Variants in RNLS observed in about 807,000 individuals in gnomAD.
RNLS encodes the protein renalase.
Under a neutral mutation model 39.8 loss-of-function variants are expected in RNLS, and 39 were observed. The observed-to-expected ratio is 0.98, with a 90% CI of 0.76 to 1.28. The LOEUF (loss-of-function observed/expected upper bound fraction) is 1.28, where lower values mean the gene tolerates loss of function less well. Among genes scored for constraint, RNLS ranks in the 50% most tolerant of loss-of-function variants. The pLI is 0.00. For synonymous variants in RNLS, 147 were observed against 150.7 expected (o/e 0.98, Z 0.18); for missense variants, 410 against 413.3 (o/e 0.99, Z 0.07).
chr10:88,449,812 G>T (rs1156607214), intron 4 of RNLS, among the ~76,000 whole-genome samples: 1 of 152,012 alleles, frequency 6.6e-6, no homozygotes, highest in Non-Finnish European at 1.5e-5. Flanking sequence ...AAAATATATT[G>T]TTCCTTTTAT....
chr10:88,364,593 T>G (rs1490139973), intron 4 of RNLS, among the ~76,000 whole-genome samples: 1 of 152,180 alleles, frequency 6.6e-6, no homozygotes, highest in African/African-American at 2.4e-5. Context: ...TCTGCTCATC[T>G]GCAAGTCTGA....
chr10:88,359,742 T>G (rs992093767), intron 5 of RNLS, among the ~76,000 whole-genome samples: 4 of 152,240 alleles, frequency 2.6e-5, no homozygotes, highest in African/African-American at 9.6e-5. Context: ...GATAATTTAT[T>G]AATATTTTAT....
In RNLS at chr10:88,327,945, G is replaced by A. The variant is rs1026139256; in HGVS notation, c.701-13304C>T. On this transcript the variant is annotated intron_variant, in intron 5 of 6. Transcript: ENST00000331772. ...TTAATTTGAGATAGAGTCTTGCTCT[G>A]TCACCCAGGCTAGAGTGCAGTGGCA... Among the ~76,000 whole-genome samples the A allele has an allele frequency of 4.6e-5, 7 of 152,196 alleles. No individual in the cohort carries two copies. The East Asian group carries it at 1.4e-3, about 29-fold the overall frequency.
At chr10:88,344,818 T>A (rs1402720327) in intron 5 of RNLS, among the ~76,000 whole-genome samples, 1 of 152,150 alleles carries the variant, frequency 6.6e-6, no homozygotes, top group Non-Finnish European at 1.5e-5. Flanking sequence ...TGGAATATTT[T>A]ATACTAAAGA....
At chr10:88,322,985 C>A (rs986913530) in intron 5 of RNLS, among the ~76,000 whole-genome samples, 2 of 152,104 alleles carry the variant, frequency 1.3e-5, no homozygotes, top group Admixed American at 6.6e-5. Flanking sequence ...TTCCTATACA[C>A]CAGCAACACT....
intron 4 of RNLS, among the ~76,000 whole-genome samples, chr10:88,495,339 C>T (rs937651067): frequency 6.6e-6 from 1 of 152,104 alleles, no homozygotes; most frequent in Admixed American, 6.6e-5. Flanking sequence ...TTTGTTATCT[C>T]CATCTTTAGC....
chr10:88,393,088 C>T (rs1354214626), intron 4 of RNLS, among the ~76,000 whole-genome samples: 10 of 152,160 alleles, frequency 6.6e-5, no homozygotes, highest in Non-Finnish European at 1.2e-4. Context: ...CAATATCATA[C>T]TGAATGGGCA....
chr10:88,444,571 GA>G (rs886471140), intron 4 of RNLS, among the ~76,000 whole-genome samples: 2 of 151,822 alleles, frequency 1.3e-5, no homozygotes, highest in African/African-American at 4.8e-5. Flanking sequence ...TAAAAACCTT[GA>G]AAAAAAATTA....
intron 3 of RNLS, among the ~76,000 whole-genome samples, chr10:88,580,586 G>T (rs1022931986): frequency 2.0e-5 from 3 of 152,020 alleles, no homozygotes; most frequent in African/African-American, 4.8e-5. Flanking sequence ...AATTATCCAA[G>T]AAAAATTCTA....
At chr10:88,325,952 C>T (rs1165787266) in intron 5 of RNLS, among the ~76,000 whole-genome samples, 2 of 152,184 alleles carry the variant, frequency 1.3e-5, no homozygotes, top group Non-Finnish European at 2.9e-5. Flanking sequence ...TCACTCTTTT[C>T]TCTGTCCTGC....
chr10:88,355,879 C>T (rs1216474983), intron 5 of RNLS, among the ~76,000 whole-genome samples: 3 of 152,200 alleles, frequency 2.0e-5, no homozygotes, highest in Admixed American at 6.5e-5. Flanking sequence ...GCTTCCAGAT[C>T]GCTTTGTTTA....
chr10:88,575,148 A>G (rs1850093882), intron 3 of RNLS, among the ~76,000 whole-genome samples: 1 of 34,748 alleles, frequency 2.9e-5, no homozygotes, highest in African/African-American at 2.1e-4. Context: ...ATATATATAT[A>G]TATATATATA....
chr10:88,517,079 G>A (rs1390529236), intron 4 of RNLS, among the ~76,000 whole-genome samples: 2 of 151,916 alleles, frequency 1.3e-5, no homozygotes, highest in Non-Finnish European at 2.9e-5. Flanking sequence ...TTCCCTGGCA[G>A]ACTATAAAAT....
chr10:88,195,474 G>A, the RNLS span, among the ~76,000 whole-genome samples: 1 of 152,104 alleles, frequency 6.6e-6, no homozygotes, highest in African/African-American at 2.4e-5. Context: ...GGCACACCAT[G>A]GGAGATCTGT....
chr10:88,235,157 A>G, the RNLS span, among the ~76,000 whole-genome samples: 1 of 151,238 alleles, frequency 6.6e-6, no homozygotes, highest in Non-Finnish European at 1.5e-5. Flanking sequence ...AGTCCCAGCT[A>G]CTAGGGAGGC....
At chr10:88,227,603 AT>A in the RNLS span, among the ~76,000 whole-genome samples, 1 of 152,228 alleles carries the variant, frequency 6.6e-6, no homozygotes, top group Non-Finnish European at 1.5e-5. Flanking sequence ...GGAATAGCTA[AT>A]TTAGTTAAAG....
At chr10:88,188,206 G>A in the RNLS span, among the ~76,000 whole-genome samples, 1 of 152,098 alleles carries the variant, frequency 6.6e-6, no homozygotes, top group Non-Finnish European at 1.5e-5. Context: ...ACAAGTGTGG[G>A]CCACCACACC....
intron 4 of RNLS, among the ~76,000 whole-genome samples, chr10:88,493,575 G>A (rs1285884075): frequency 6.6e-6 from 1 of 151,948 alleles, no homozygotes; most frequent in Non-Finnish European, 1.5e-5. Flanking sequence ...TTTAAAAAAT[G>A]AGTGATCTAT....
intron 4 of RNLS, among the ~76,000 whole-genome samples, chr10:88,366,764 T>G (rs1307739958): frequency 6.7e-6 from 1 of 149,532 alleles, no homozygotes; most frequent in Non-Finnish European, 1.5e-5. Context: ...AAGTCCCCTC[T>G]GCTTTAATCC....
Sources: allele counts gnomAD v4.1 joint callset (sites outside exome capture counted in the v4.1 genomes callset), GRCh38; gene constraint gnomAD v4.1.1; transcripts MANE v1.5; gene names NCBI Gene and HGNC (gene_info 2026-07-23, HGNC 2026-07-21).